PDE7B: variants seen among roughly 807,000 people sequenced by gnomAD.
PDE7B encodes the protein phosphodiesterase 7B.
A neutral mutation model predicts 56.2 loss-of-function variants in PDE7B; 29 were observed. That is an observed-to-expected ratio of 0.52 (90% CI 0.38 to 0.70). The LOEUF is 0.70. Among genes scored for constraint, PDE7B ranks in the 30% least tolerant of loss-of-function variants. PDE7B has a pLI of 0.00. For synonymous variants in PDE7B, 197 were observed against 196.9 expected (o/e 1.00, Z 0.00); for missense variants, 490 against 565.0 (o/e 0.87, Z 1.35).
intron 8 of PDE7B, among the ~76,000 whole-genome samples, chr6:136,172,735 C>T (rs1214174073): frequency 6.6e-6 from 1 of 151,974 alleles, no homozygotes; most frequent in Non-Finnish European, 1.5e-5. Context: ...ATGGTATTGC[C>T]TAGGTTTTCT....
intron 1 of PDE7B, among the ~76,000 whole-genome samples, chr6:135,934,988 AGAGATGAAG>A (rs1402820534): frequency 5.2e-5 from 3 of 57,662 alleles, no homozygotes; most frequent in East Asian, 1.3e-3. Flanking sequence ...TATTTTATAT[AGAGATGAAG>A]TATATATTTA....
intron 2 of PDE7B, among the ~76,000 whole-genome samples, chr6:136,066,185 A>G (rs1321861155): frequency 6.6e-6 from 1 of 152,238 alleles, no homozygotes; most frequent in African/African-American, 2.4e-5. Flanking sequence ...ATTGCACAAC[A>G]GCACAAAGGC....
At chr6:135,934,979 ATTT>A (rs1163042286) in intron 1 of PDE7B, among the ~76,000 whole-genome samples, 3 of 59,896 alleles carry the variant, frequency 5.0e-5, no homozygotes, top group East Asian at 1.2e-3. Flanking sequence ...TTCTCTATAT[ATTT>A]TATATAGAGA....
intron 2 of PDE7B, among the ~76,000 whole-genome samples, chr6:136,024,062 G>T (rs575358551): frequency 1.3e-5 from 2 of 152,138 alleles, no homozygotes; most frequent in East Asian, 3.9e-4. Context: ...ATCTAGGAAA[G>T]GATGACATTT....
At chr6:135,881,375 G>A (rs904414217) in intron 1 of PDE7B, among the ~76,000 whole-genome samples, 8 of 151,688 alleles carry the variant, frequency 5.3e-5, no homozygotes, top group Non-Finnish European at 1.0e-4. Flanking sequence ...GGGTGTGGTG[G>A]TGCATGCCTG....
At chr6:136,140,600 G>A (rs1046031678) in intron 3 of PDE7B, among the ~76,000 whole-genome samples, 3 of 152,138 alleles carry the variant, frequency 2.0e-5, no homozygotes, top group Non-Finnish European at 2.9e-5. Context: ...TCCTACCCTT[G>A]AGCATGGAAT....
chr6:135,962,519 T>C (rs1297407598), intron 2 of PDE7B, among the ~76,000 whole-genome samples: 1 of 152,202 alleles, frequency 6.6e-6, no homozygotes, highest in Non-Finnish European at 1.5e-5. Flanking sequence ...TTTCCAAGTG[T>C]TCAATAAAAT....
chr6:136,086,003 T>C (rs1777286435), intron 2 of PDE7B, among the ~76,000 whole-genome samples: 1 of 152,232 alleles, frequency 6.6e-6, no homozygotes, highest in Non-Finnish European at 1.5e-5. Context: ...GGTTTTGCTT[T>C]ATTGGCCAAG....
At chr6:136,070,223 C>T (rs1777024278) in intron 2 of PDE7B, 1 of 151,352 alleles carries the variant, frequency 6.6e-6, no homozygotes, top group Non-Finnish European at 1.5e-5. Context: ...GATAAACATA[C>T]CTTTTGATGC....
intron 3 of PDE7B, among the ~76,000 whole-genome samples, chr6:136,115,670 A>G (rs1777819048): frequency 6.6e-6 from 1 of 152,216 alleles, no homozygotes; most frequent in Non-Finnish European, 1.5e-5. Context: ...AAAAATAGAA[A>G]ATTGAGTTAG....
At chr6:135,977,209 T>C (rs1316686423) in intron 2 of PDE7B, among the ~76,000 whole-genome samples, 1 of 152,096 alleles carries the variant, frequency 6.6e-6, no homozygotes, top group Non-Finnish European at 1.5e-5. Context: ...TAGGAGTAGA[T>C]GGGCAGGGGC....
At chr6:136,099,149 C>T (rs1408829299) in intron 2 of PDE7B, among the ~76,000 whole-genome samples, 1 of 152,120 alleles carries the variant, frequency 6.6e-6, no homozygotes, top group Admixed American at 6.5e-5. Flanking sequence ...CATAAATGTG[C>T]CACATTTTCT....
intron 2 of PDE7B, among the ~76,000 whole-genome samples, chr6:136,078,944 C>T (rs1202657963): frequency 3.3e-5 from 5 of 152,116 alleles, no homozygotes; most frequent in Non-Finnish European, 5.9e-5. Context: ...TTCCAGACAG[C>T]TCTGTATGGC....
intron 8 of PDE7B, among the ~76,000 whole-genome samples, chr6:136,156,999 T>A (rs1003539390): frequency 6.6e-6 from 1 of 152,206 alleles, no homozygotes; most frequent in Admixed American, 6.5e-5. Context: ...GCCTTTGATG[T>A]AGTATATTAT....
At chr6:136,103,384 T>G (rs1777595826) in intron 2 of PDE7B, among the ~76,000 whole-genome samples, 1 of 152,216 alleles carries the variant, frequency 6.6e-6, no homozygotes, top group African/African-American at 2.4e-5. Context: ...TGCACAACCT[T>G]CCTCCTCTCT....
At chr6:135,855,657 A>G (rs1775012610) in intron 1 of PDE7B, among the ~76,000 whole-genome samples, 1 of 152,170 alleles carries the variant, frequency 6.6e-6, no homozygotes, top group African/African-American at 2.4e-5. Flanking sequence ...TACAGGCCTG[A>G]TTTGGTAAAT....
At chr6:135,890,232 A>G (rs1007874128) in intron 1 of PDE7B, among the ~76,000 whole-genome samples, 4 of 152,242 alleles carry the variant, frequency 2.6e-5, no homozygotes, top group African/African-American at 4.8e-5. Flanking sequence ...TTCTGAAGAA[A>G]CATAATGTTG....
At chr6:136,140,804 C>T (rs984864777) in intron 3 of PDE7B, among the ~76,000 whole-genome samples, 31 of 152,122 alleles carry the variant, frequency 2.0e-4, no homozygotes, top group Admixed American at 1.6e-3. Context: ...GTGATTTTTG[C>T]TCATTGATTT....
intron 8 of PDE7B, among the ~76,000 whole-genome samples, chr6:136,157,268 G>A (rs2128448041): frequency 6.6e-6 from 1 of 152,242 alleles, no homozygotes; most frequent in Non-Finnish European, 1.5e-5. Context: ...ATTGTAGTAA[G>A]GCAGACAAGA....
Sources: gnomAD v4.1 joint callset for allele counts (sites outside exome capture counted in the v4.1 genomes callset) on GRCh38, gnomAD v4.1.1 for gene constraint, MANE v1.5 for transcripts, NCBI Gene and HGNC (gene_info 2026-07-23, HGNC 2026-07-21) for gene names.